GSE1: variants seen among roughly 807,000 people sequenced by gnomAD.
GSE1 encodes the protein genetic suppressor element 1.
GSE1 carries 32 observed loss-of-function variants against 112.6 expected under a neutral mutation model. That is an observed-to-expected ratio of 0.28 (90% confidence interval 0.21 to 0.38). GSE1 has a LOEUF of 0.38. Among genes scored for constraint, GSE1 ranks in the 10% least tolerant of loss-of-function variants. The pLI is 1.00. For synonymous variants in GSE1, 1,115 were observed against 735.6 expected (o/e 1.52, Z -8.35); for missense variants, 2,348 against 1,699.2 (o/e 1.38, Z -6.71).
At position 85,663,079 on chromosome 16, in the gene GSE1, G is replaced by A. The variant is rs143448272; in HGVS notation, c.2359G>A (p.Asp787Asn). 10 of 1,608,600 alleles carry A rather than the reference G, an allele frequency of 6.2e-6. No individual in the cohort carries two copies. The African/African-American group carries it at 8.0e-5, about 13-fold the overall frequency. The stretch of plus-strand genomic sequence containing the variant: ...GGCCGAGCAGCCGCCCCTCAAACTG[G>A]ACACGTCCTCTGAGGTACTGGGCTC... ...CVAEQPPLKL[D>N]TSSEKLEFLQ... is the part of the protein sequence containing the mutation. The change falls in exon 10 of 16, where the codon GAC (aspartate) becomes AAC (asparagine). Residue 787 changes from aspartate to asparagine, a missense_variant. Asp to Asn is a conservative substitution (Grantham distance 23, BLOSUM62 1). Transcript: ENST00000253458.
chr16:85,358,987 C>T (rs1259498227), intron 2 of GSE1, among the ~76,000 whole-genome samples: 2 of 152,246 alleles, frequency 1.3e-5, no homozygotes, highest in Non-Finnish European at 2.9e-5. Context: ...ATGGGAGTGC[C>T]TGGCTCACGG....
At chr16:85,403,208 G>T (rs1567738926) in intron 2 of GSE1, among the ~76,000 whole-genome samples, 1 of 152,174 alleles carries the variant, frequency 6.6e-6, no homozygotes, top group Admixed American at 6.5e-5. Flanking sequence ...GCAAGCCAGG[G>T]TGCGGGGGAG....
chr16:85,369,314 T>C (rs1479431816), intron 2 of GSE1, among the ~76,000 whole-genome samples: 1 of 152,054 alleles, frequency 6.6e-6, no homozygotes, highest in Non-Finnish European at 1.5e-5. Flanking sequence ...CTCCCTGGGC[T>C]CAAGGGATCC....
chr16:85,668,515 G>C, intron 14 of GSE1, 91 bp downstream of exon 14: 1 of 850,012 alleles, frequency 1.2e-6, no homozygotes, highest in South Asian at 1.7e-5. Context: ...ACCTCTGCCA[G>C]CCTGGGGACT....
intron 2 of GSE1, among the ~76,000 whole-genome samples, chr16:85,529,834 A>C (rs1282565746): frequency 6.6e-6 from 1 of 152,222 alleles, no homozygotes; most frequent in African/African-American, 2.4e-5. Flanking sequence ...CAGGACCCAG[A>C]ATGCTAGGCA....
intron 8 of GSE1, among the ~76,000 whole-genome samples, chr16:85,660,335 A>T (rs1227493397): frequency 2.0e-5 from 3 of 152,100 alleles, no homozygotes; most frequent in African/African-American, 7.2e-5. Flanking sequence ...GCCTGCACAC[A>T]CCTGCCGCAG....
chr16:85,499,552 C>T (rs941039944), intron 2 of GSE1, among the ~76,000 whole-genome samples: 48 of 152,074 alleles, frequency 3.2e-4, no homozygotes, highest in African/African-American at 9.6e-4. Flanking sequence ...GTGATCCGCC[C>T]GCCTCAGCCT....
intron 1 of GSE1, among the ~76,000 whole-genome samples, chr16:85,625,193 C>T (rs570419153): frequency 6.6e-6 from 1 of 152,314 alleles, no homozygotes; most frequent in East Asian, 1.9e-4. Context: ...CCCTTCCCGC[C>T]GCCCTCCTCT....
chr16:85,566,745 C>T lies in GSE1; in HGVS notation c.37+10382C>T, dbSNP rs551521199. 9.8e-5 allele frequency among the ~76,000 whole-genome samples: 15 copies of T among 152,316 alleles called. No individual in the cohort carries two copies. The East Asian group carries it at 1.7e-3, about 18-fold the overall frequency. ...TAGCTTTCAGACCTCCTCGCTGGTC[C>T]TAACTTCTGTCGTCTTGGTAACTGT... On this transcript the variant is annotated intron_variant, in intron 1 of 2. Coordinates refer to the GSE1 transcript ENST00000635906.
intron 2 of GSE1, among the ~76,000 whole-genome samples, chr16:85,444,889 C>T (rs2049470205): frequency 6.6e-6 from 1 of 152,190 alleles, no homozygotes; most frequent in South Asian, 2.1e-4. Flanking sequence ...TGGGGTGTCC[C>T]GCCCATGCCC....
At chr16:85,422,366 GGGC>G (rs2048865363) in intron 2 of GSE1, among the ~76,000 whole-genome samples, 1 of 138,872 alleles carries the variant, frequency 7.2e-6, no homozygotes, top group Non-Finnish European at 1.7e-5. Context: ...GAGCTGGGCG[GGGC>G]GGGGGGGGGT....
chr16:85,663,017 G>T lies in GSE1; in HGVS notation c.2297G>T (p.Ser766Ile), dbSNP rs778397353. ...GACCTCGATGACTCTTACGACGAGAGCGATGAGGAGGAGGTCAGGGCCCAC... is the reference window on the plus strand; with the variant it reads ...GACCTCGATGACTCTTACGACGAGATCGATGAGGAGGAGGTCAGGGCCCAC... ...YYDLDDSYDE[S>I]DEEEVRAHLR... Residue 766 changes from serine (S) to isoleucine (I), a missense_variant, in exon 10 of 16, where the codon AGC becomes ATC. Coordinates refer to ENST00000253458, the MANE Select transcript of GSE1 (RefSeq NM_014615.5). The T allele has an allele frequency of 1.2e-6, 2 of 1,613,138 alleles. No homozygotes were observed. The highest frequency in any genetic ancestry group is 3.3e-5 in the Admixed American group (2 of 60,030).
At chr16:85,617,794 C>G (rs774860177) in intron 1 of GSE1, among the ~76,000 whole-genome samples, 1 of 152,090 alleles carries the variant, frequency 6.6e-6, no homozygotes, top group Non-Finnish European at 1.5e-5. Flanking sequence ...TGGGCTGATG[C>G]TGTTTCAGGA....
intron 1 of GSE1, among the ~76,000 whole-genome samples, chr16:85,572,464 A>AACAC (rs112181400): frequency 0.53 from 77,996 of 148,046 alleles, 20,434 homozygotes; most frequent in East Asian, 0.67. Context: ...CCACACACAC[A>AACAC]ACACACATCA....
At chr16:85,329,789 A>G (rs1443374310) in intron 1 of GSE1, among the ~76,000 whole-genome samples, 2 of 150,834 alleles carry the variant, frequency 1.3e-5, no homozygotes, top group Non-Finnish European at 3.0e-5. Flanking sequence ...ACTCATTAAA[A>G]CAGTAACTCC....
chr16:85,660,176 C>T (rs1454242689), intron 8 of GSE1, among the ~76,000 whole-genome samples: 1 of 152,202 alleles, frequency 6.6e-6, no homozygotes, highest in South Asian at 2.1e-4. Context: ...GTGGGTTTCC[C>T]CATGGAAAGT....
At position 85,652,052 on chromosome 16, in the gene GSE1, G is replaced by A. The variant is rs542449341; in HGVS notation, c.427-2226G>A. 9.7e-4 allele frequency among the ~76,000 whole-genome samples: 148 copies of A among 152,330 alleles called. 1 individual carries two copies. Among genetic ancestry groups the A allele is most frequent in the African/African-American group, 3.2e-3 (131 of 41,572 alleles). On this transcript the variant is annotated intron_variant, in intron 3 of 15. Coordinates refer to ENST00000253458, the MANE Select transcript of GSE1 (RefSeq NM_014615.5). ...GCCTGGAAATAGCCTCACGGGGCTG[G>A]GGTAGGCAGGCCAGCCTGGCAACAC...
At chr16:85,355,749 A>G (rs1420244431) in intron 1 of GSE1, among the ~76,000 whole-genome samples, 3 of 152,344 alleles carry the variant, frequency 2.0e-5, no homozygotes, top group East Asian at 3.9e-4. Context: ...GGCCAGGTGC[A>G]GGGGCTCACA....
intron 2 of GSE1, among the ~76,000 whole-genome samples, chr16:85,640,864 CG>C (rs996443391): frequency 6.4e-4 from 97 of 152,356 alleles, no homozygotes; most frequent in African/African-American, 2.3e-3. Context: ...GTGAGCGCCG[CG>C]GGCGTCCTCA....
Sources: gnomAD v4.1 joint callset for allele counts (sites outside exome capture counted in the v4.1 genomes callset) on GRCh38, gnomAD v4.1.1 for gene constraint, MANE v1.5 for transcripts, NCBI Gene and HGNC (gene_info 2026-07-23, HGNC 2026-07-21) for gene names.